The following STPG2 variants were observed in gnomAD, a reference collection of about 807,000 sequenced individuals.
STPG2 encodes the protein sperm-tail PG-rich repeat-containing protein 2.
STPG2 carries 56 observed loss-of-function variants against 54.2 expected under a neutral mutation model. That is an observed-to-expected ratio of 1.03 (90% CI 0.83 to 1.29). The LOEUF is 1.29. Ranked by LOEUF, STPG2 falls within the 50% of genes most tolerant of loss-of-function variation. The pLI, the probability that STPG2 is intolerant of heterozygous loss-of-function variation, is 0.00. For missense variants in STPG2, 596 were observed against 544.9 expected (o/e 1.09, Z -0.93); for synonymous variants, 200 against 181.8 (o/e 1.10, Z -0.81).
intron 10 of STPG2, among the ~76,000 whole-genome samples, chr4:97,560,596 C>A (rs1230699132): frequency 6.6e-6 from 1 of 152,140 alleles, no homozygotes; most frequent in Non-Finnish European, 1.5e-5. Context: ...AGCCATAGAT[C>A]TAAATTCTCC....
chr4:97,847,539 C>T (rs1728992436), intron 8 of STPG2, among the ~76,000 whole-genome samples: 1 of 152,054 alleles, frequency 6.6e-6, no homozygotes, highest in Non-Finnish European at 1.5e-5. Context: ...AAACATGATA[C>T]TTCAAAGCTC....
chr4:97,584,431 G>A (rs1732940791), intron 10 of STPG2, among the ~76,000 whole-genome samples: 1 of 151,920 alleles, frequency 6.6e-6, no homozygotes. Context: ...CAAAAAGTCT[G>A]AGAGAGCAGA....
intron 7 of STPG2, among the ~76,000 whole-genome samples, chr4:97,961,316 C>A (rs189924652): frequency 1.9e-3 from 295 of 151,990 alleles, no homozygotes; most frequent in African/African-American, 7.0e-3. Context: ...AAGGAGAACC[C>A]AAAAACAAAT....
At chr4:98,041,841 A>G (rs28813181) in intron 5 of STPG2, among the ~76,000 whole-genome samples, 11,560 of 151,692 alleles carry the variant, frequency 0.076, 488 homozygotes, top group African/African-American at 0.1. Context: ...GGTGACATTG[A>G]CTTTGTAAAA....
intron 4 of STPG2, among the ~76,000 whole-genome samples, chr4:97,520,114 G>A (rs1731151719): frequency 6.6e-6 from 1 of 152,064 alleles, no homozygotes; most frequent in African/African-American, 2.4e-5. Context: ...TGTAAGTGGA[G>A]AGGACATTCT....
At chr4:97,486,499 C>A (rs990524481) in intron 4 of STPG2, among the ~76,000 whole-genome samples, 1 of 151,334 alleles carries the variant, frequency 6.6e-6, no homozygotes, top group African/African-American at 2.4e-5. Context: ...TGACCATAAT[C>A]AAAAAATCAA....
At chr4:97,560,376 G>A (rs374613060) in intron 10 of STPG2, among the ~76,000 whole-genome samples, 89 of 152,224 alleles carry the variant, frequency 5.8e-4, no homozygotes, top group African/African-American at 2.0e-3. Context: ...CCTTTTTGGA[G>A]TACTAGAAGT....
chr4:98,107,457 C>G (rs977042093), intron 4 of STPG2, among the ~76,000 whole-genome samples: 4 of 134,474 alleles, frequency 3.0e-5, no homozygotes, highest in African/African-American at 1.1e-4. Flanking sequence ...CATATTCATA[C>G]ATTTCTTCAG....
intron 9 of STPG2, among the ~76,000 whole-genome samples, chr4:97,757,601 A>G (rs1162784709): frequency 6.6e-6 from 1 of 152,174 alleles, no homozygotes; most frequent in Admixed American, 6.6e-5. Context: ...AACACAAAAC[A>G]ATAGATCTTC....
intron 5 of STPG2, among the ~76,000 whole-genome samples, chr4:98,020,571 A>T (rs531894025): frequency 3.5e-4 from 54 of 152,146 alleles, no homozygotes; most frequent in Admixed American, 2.9e-3. Context: ...TTCTATTGAT[A>T]GGAATAGTTT....
intron 10 of STPG2, among the ~76,000 whole-genome samples, chr4:97,692,672 C>G (rs1723411260): frequency 6.6e-6 from 1 of 152,100 alleles, no homozygotes; most frequent in Non-Finnish European, 1.5e-5. Context: ...GATCTAGACA[C>G]TCAACTACAA....
intron 5 of STPG2, chr4:98,049,156 A>G (rs575234762): frequency 1.3e-5 from 2 of 152,326 alleles, no homozygotes; most frequent in East Asian, 3.9e-4. Context: ...TTAAAGCAGA[A>G]TTTGTCAAAA....
At chr4:97,928,226 G>A (rs918160161) in intron 8 of STPG2, among the ~76,000 whole-genome samples, 1 of 152,112 alleles carries the variant, frequency 6.6e-6, no homozygotes, top group African/African-American at 2.4e-5. Flanking sequence ...AAACTCATCT[G>A]GTAGGGCAAA....
At chr4:97,464,654 G>A (rs1319810358) in intron 4 of STPG2, among the ~76,000 whole-genome samples, 2 of 152,102 alleles carry the variant, frequency 1.3e-5, no homozygotes, top group African/African-American at 4.8e-5. Flanking sequence ...TGATCTGCCT[G>A]CCTTGGCCTC....
intron 10 of STPG2, among the ~76,000 whole-genome samples, chr4:97,596,053 A>T (rs974255312): frequency 2.0e-5 from 3 of 152,206 alleles, no homozygotes; most frequent in Non-Finnish European, 2.9e-5. Context: ...ACAAATGCTC[A>T]AAGTAAATAT....
chr4:97,890,622 T>G (rs1730733471), intron 8 of STPG2, among the ~76,000 whole-genome samples: 1 of 151,850 alleles, frequency 6.6e-6, no homozygotes. Flanking sequence ...TATTCAATAC[T>G]ACAGTAAGGA....
chr4:97,798,409 C>G (rs949847591), intron 9 of STPG2, among the ~76,000 whole-genome samples: 1 of 152,158 alleles, frequency 6.6e-6, no homozygotes, highest in Non-Finnish European at 1.5e-5. Flanking sequence ...TTTCAAAGAA[C>G]ATCTTGATTT....
At chr4:98,119,906 A>G (rs780621993) in intron 3 of STPG2, among the ~76,000 whole-genome samples, 9 of 152,142 alleles carry the variant, frequency 5.9e-5, no homozygotes, top group Admixed American at 3.9e-4. Flanking sequence ...CCTGCAAAGG[A>G]CATGACATTG....
intron 4 of STPG2, among the ~76,000 whole-genome samples, chr4:97,480,586 C>T (rs1307513283): frequency 6.6e-6 from 1 of 151,494 alleles, no homozygotes; most frequent in African/African-American, 2.4e-5. Context: ...GTATCAGTTG[C>T]TATTAATCAT....
Sources: allele counts gnomAD v4.1 joint callset (sites outside exome capture counted in the v4.1 genomes callset), GRCh38; gene constraint gnomAD v4.1.1; transcripts MANE v1.5; gene names NCBI Gene and HGNC (gene_info 2026-07-23, HGNC 2026-07-21).